Variants in AVIL observed in about 807,000 individuals in gnomAD.
The protein encoded by AVIL is advillin.
A neutral mutation model predicts 109.9 loss-of-function variants in AVIL; 78 were observed. The ratio of observed to expected loss-of-function variants is 0.71; its 90% CI spans 0.59 to 0.86. The LOEUF is 0.86. AVIL is among the 40% of genes least tolerant of loss of function. The pLI, the probability that AVIL is intolerant of heterozygous loss-of-function variation, is 0.00. For synonymous variants in AVIL, 367 were observed against 379.1 expected (o/e 0.97, Z 0.37); for missense variants, 892 against 1,016.5 (o/e 0.88, Z 1.67).
chr12:57,809,522 G>C, intron 9 of AVIL, 75 bp downstream of exon 9: 3 of 1,511,520 alleles, frequency 2.0e-6, no homozygotes, highest in Non-Finnish European at 9.2e-7. Flanking sequence ...TACCTAGCAT[G>C]GCTCTGTGGA....
chr12:57,809,811 C>A lies in AVIL; in HGVS notation c.840+1G>T. Reference sequence around the variant, plus strand: ...GCTAAGTCCACCCAAACTCTACTTACATCATGGTTCAGTAAGTCCTGGACC... The same window carrying A: ...GCTAAGTCCACCCAAACTCTACTTAAATCATGGTTCAGTAAGTCCTGGACC... On this transcript the variant is annotated splice_donor_variant, in intron 8 of 19. Transcript: ENST00000549994. LOFTEE classifies it high-confidence loss of function. 2 of 1,614,216 alleles carry A rather than the reference C, an allele frequency of 1.2e-6. No individual in the cohort carries two copies. Among genetic ancestry groups the A allele is most frequent in the Non-Finnish European group, 1.7e-6 (2 of 1,180,020 alleles).
At chr12:57,803,445 T>G in intron 15 of AVIL, 54 bp from the exon 16 acceptor site, 1 of 1,613,444 alleles carries the variant, frequency 6.2e-7, no homozygotes, top group Non-Finnish European at 8.5e-7. Context: ...TTTTTAAAAC[T>G]GAGGTTTTAG....
chr12:57,810,348 C>CT lies in AVIL; in HGVS notation c.761dup (p.His254GlnfsTer27), dbSNP rs746881013. ...AGCTAAAACCAGGTTGAGCTACTCA[C>CT]TGATACAACATGATAGTTGATTTCT... On this transcript the variant is annotated frameshift_variant and splice_region_variant. Coordinates refer to ENST00000549994, the MANE Select transcript of AVIL (RefSeq NM_006576.4). LOFTEE classifies it high-confidence loss of function. 9 of 1,614,154 alleles carry CT rather than the reference C, an allele frequency of 5.6e-6. No individual in the cohort carries two copies. The highest frequency in any genetic ancestry group is 7.6e-6 in the Non-Finnish European group (9 of 1,180,018).
intron 11 of AVIL, chr12:57,807,946 G>A (rs1595168200): frequency 1.2e-6 from 1 of 817,578 alleles, no homozygotes; most frequent in Non-Finnish European, 2.0e-6. Flanking sequence ...ATCATGGCTC[G>A]GTCTTTGCAA....
intron 13 of AVIL, among the ~76,000 whole-genome samples, chr12:57,806,860 A>T (rs1390845638): frequency 6.6e-6 from 1 of 152,224 alleles, no homozygotes; most frequent in Non-Finnish European, 1.5e-5. Flanking sequence ...CTTGACTAGT[A>T]AATGACAAGG....
chr12:57,804,080 G>A (rs543078275), intron 14 of AVIL: 94 of 158,078 alleles, frequency 5.9e-4, no homozygotes, highest in African/African-American at 2.2e-3. Flanking sequence ...GCACAGAACA[G>A]TTTCTTCCTC....
In AVIL at chr12:57,809,824, T is replaced by G. The variant is rs1180204597; in HGVS notation, c.828A>C (p.Leu276Phe). ...AAACTCTACTTACATCATGGTTCAGTAAGTCCTGGACCAGAGGCCTTGTTG... is the reference window on the plus strand; with the variant it reads ...AAACTCTACTTACATCATGGTTCAGGAAGTCCTGGACCAGAGGCCTTGTTG... ...EVATRPLVQD[L>F]LNHDDCYILD... Residue 276 changes from leucine (L) to phenylalanine (F), a missense_variant, in exon 8 of 20, where the codon TTA (leucine) becomes TTC (phenylalanine). Leu to Phe is a conservative substitution (Grantham distance 22, BLOSUM62 0). Coordinates refer to ENST00000549994, the MANE Select transcript of AVIL (RefSeq NM_006576.4). The G allele has an allele frequency of 1.2e-6, 2 of 1,614,232 alleles. No individual in the cohort carries two copies. Among genetic ancestry groups the G allele is most frequent in the African/African-American group, 2.7e-5 (2 of 75,070 alleles).
rs771083612 is a variant in AVIL at position 57,799,904 on chromosome 12, G to C, written c.2237C>G (p.Thr746Ser). ...ACTGTCATTAGAATTCAGGGAGAGG[G>C]TTGCATTCTTCATGTCCTAGGTAAG... ...MRITADMKNATLSLNSNDSEP... is the reference protein window; with the variant it reads ...MRITADMKNASLSLNSNDSEP... Residue 746 changes from threonine to serine, a missense_variant, in exon 19 of 20, where the codon ACC (threonine) becomes AGC (serine). By Grantham distance (58) the Thr-to-Ser change is moderately conservative (BLOSUM62 1). Coordinates refer to ENST00000549994, the MANE Select transcript of AVIL (RefSeq NM_006576.4). 13 of 1,614,186 alleles carry C rather than the reference G, an allele frequency of 8.1e-6. No homozygotes were observed. In the Admixed American group the frequency reaches 1.5e-4, roughly 19 times the overall value.
Position 57,797,809 on chromosome 12 carries a change from G to A in AVIL, c.*73C>T. On this transcript the variant is annotated 3_prime_UTR_variant, in exon 20 of 20. Transcript: ENST00000549994. ...GCTGAATGTCAGGCAGAAATTGGTG[G>A]ATAAATTATTTCCTGATATTGGCAC... is the stretch of plus-strand genomic sequence containing the variant. 1.7e-6 allele frequency: 2 copies of A among 1,191,222 alleles called. No individual in the cohort carries two copies. The highest frequency in any genetic ancestry group is 2.3e-6 in the Non-Finnish European group (2 of 872,362). The allele number at this position is 1,191,222 out of a possible 1,614,324, so 73.8% of individuals were successfully genotyped here.
intron 17 of AVIL, 120 bp downstream of exon 17, chr12:57,802,040 G>T: frequency 8.7e-7 from 1 of 1,144,640 alleles, no homozygotes; most frequent in Non-Finnish European, 1.2e-6. Context: ...AGTGGGATGG[G>T]AGTAGGGAAA....
intron 4 of AVIL, 90 bp from the exon 5 acceptor site, chr12:57,811,217 C>T: frequency 8.4e-7 from 1 of 1,191,612 alleles, no homozygotes; most frequent in Non-Finnish European, 1.2e-6. Context: ...CAGCCTCACT[C>T]ATGTGATGAC....
chr12:57,809,675 T>G lies in AVIL; in HGVS notation c.861A>C (p.Gln287His). The G allele has an allele frequency of 6.2e-7, 1 of 1,614,206 alleles. No individual in the cohort carries two copies. The highest frequency in any genetic ancestry group is 8.5e-7 in the Non-Finnish European group (1 of 1,180,030). ...TCCACACGTAGATTTTGGTTCCACT[T>G]TGGTCCAGGATGTAGCAGTCCTAAA... The part of the protein sequence containing the change: ...LNHDDCYILD[Q>H]SGTKIYVWKG... The change falls in exon 9 of 20, where the codon CAA becomes CAC. Residue 287 changes from glutamine (Q) to histidine (H), a missense_variant. Coordinates refer to ENST00000549994, the MANE Select transcript of AVIL (RefSeq NM_006576.4).
At chr12:57,816,700 C>CTTTTTTTTTTTTTTTTTTTTTT (rs11349032) in intron 1 of AVIL, among the ~76,000 whole-genome samples, 5 of 93,492 alleles carry the variant, frequency 5.3e-5, no homozygotes, top group Non-Finnish European at 6.3e-5. Flanking sequence ...GGCTTTTGTC[C>CTTTTTTTTTTTTTTTTTTTTTT]TTTTTTTTTT....
At position 57,803,601 on chromosome 12, in the gene AVIL, G is replaced by A. The variant is rs750235131; in HGVS notation, c.1740C>T (p.Asn580=). ...CTGGCTCCTGGCCCTCGGCCACAGT[G>A]TTCTCGCTGCCATCACAGAGAAGGC... ...LASLLCDGSE[N]TVAEGQEPAE... Residue 580 remains asparagine, a synonymous_variant, in exon 15 of 20, where the codon AAC becomes AAT. Coordinates refer to ENST00000549994, the MANE Select transcript of AVIL (RefSeq NM_006576.4). 6.2e-7 allele frequency: 1 copy of A among 1,614,112 alleles called. No homozygotes were observed. The highest frequency in any genetic ancestry group is 8.5e-7 in the Non-Finnish European group (1 of 1,180,016).
At chr12:57,803,125 T>G in intron 16 of AVIL, 122 bp downstream of exon 16, 2 of 1,282,968 alleles carry the variant, frequency 1.6e-6, no homozygotes, top group Non-Finnish European at 2.2e-6. Flanking sequence ...TGACAAAGGT[T>G]TGATTGAGCT....
chr12:57,808,937 T>C (rs1955995094), intron 9 of AVIL: 1 of 206,296 alleles, frequency 4.8e-6, no homozygotes, highest in South Asian at 8.6e-5. Flanking sequence ...CCTTGATATG[T>C]GATATCCCCT....
chr12:57,810,816 C>A lies in AVIL; in HGVS notation c.558G>T (p.Lys186Asn), dbSNP rs749029342. 10 of 1,613,896 alleles carry A rather than the reference C, an allele frequency of 6.2e-6. No individual in the cohort carries two copies. The South Asian group carries it at 9.9e-5, about 16-fold the overall frequency. ...GPESNSGERL[K>N]AMLLAKDIRD... is the part of the protein sequence containing the mutation. Reference sequence around the variant, plus strand: ...AAGTGCTAAGGCTAGGAAGCCATACCTTCAGGCGCTCCCCACTGTTGCTCT... The same window carrying A: ...AAGTGCTAAGGCTAGGAAGCCATACATTCAGGCGCTCCCCACTGTTGCTCT... The change falls in exon 6 of 20, where the codon AAG (lysine) becomes AAT (asparagine). Residue 186 changes from lysine to asparagine, a missense_variant and splice_region_variant. Coordinates refer to ENST00000549994, the MANE Select transcript of AVIL (RefSeq NM_006576.4).
Position 57,809,647 on chromosome 12 carries a change from C to T in AVIL, c.889G>A (p.Gly297Arg), listed in dbSNP as rs749354972. 6.2e-7 allele frequency: 1 copy of T among 1,614,114 alleles called. No homozygotes were observed. Among genetic ancestry groups the T allele is most frequent in the African/African-American group, 1.3e-5 (1 of 74,936 alleles). ...QSGTKIYVWK[G>R]KGATKAEKQA... ...TTTTCAGCCTTTGTGGCTCCTTTTC[C>T]TTTCCACACGTAGATTTTGGTTCCA... is the stretch of plus-strand genomic sequence containing the variant. The change falls in exon 9 of 20, where the codon GGA becomes AGA. Residue 297 changes from glycine (G) to arginine (R), a missense_variant. Coordinates refer to ENST00000549994, the MANE Select transcript of AVIL (RefSeq NM_006576.4).
Position 57,802,331 on chromosome 12 carries a change from C to A in AVIL, c.1980G>T (p.Gly660=). 4 of 1,612,330 alleles carry A rather than the reference C, an allele frequency of 2.5e-6. No individual in the cohort carries two copies. The highest frequency in any genetic ancestry group is 3.4e-6 in the Non-Finnish European group (4 of 1,179,174). ...DTWDQVFLWI[G]AEANATEKES... ...CCTTCTCCGTGGCATTGGCCTCAGCCCCAATCCACAAGAACACCTGTTAAG... is the reference window on the plus strand; with the variant it reads ...CCTTCTCCGTGGCATTGGCCTCAGCACCAATCCACAAGAACACCTGTTAAG... The change falls in exon 17 of 20, where the codon GGG becomes GGT. Residue 660 remains glycine, a synonymous_variant. Transcript: ENST00000549994.
Sources: gnomAD v4.1 joint callset for allele counts (sites outside exome capture counted in the v4.1 genomes callset) on GRCh38, gnomAD v4.1.1 for gene constraint, MANE v1.5 for transcripts, NCBI Gene and HGNC (gene_info 2026-07-23, HGNC 2026-07-21) for gene names.